LRRC4C: variants seen among roughly 807,000 people sequenced by gnomAD.
The protein encoded by LRRC4C is leucine-rich repeat-containing protein 4C.
In LRRC4C, 5 loss-of-function variants were observed where a neutral mutation model predicts 33.6. That is an observed-to-expected ratio of 0.15 (90% CI 0.08 to 0.31). The LOEUF is 0.31. Ranked by LOEUF, LRRC4C falls within the 10% of genes least tolerant of loss-of-function variation. The probability of loss-of-function intolerance (pLI) is 1.00; values close to 1 mark genes in which losing one functional copy is unlikely to be tolerated. For missense variants in LRRC4C, 560 were observed against 796.7 expected, an observed-to-expected ratio of 0.70 and a Z score of 3.58; for synonymous variants, 329 against 302.0, an observed-to-expected ratio of 1.09 and a Z score of -0.93.
chr11:40,739,627 T>C (rs1221764617), intron 2 of LRRC4C, among the ~76,000 whole-genome samples: 2 of 152,020 alleles, frequency 1.3e-5, no homozygotes, highest in African/African-American at 4.8e-5. Flanking sequence ...GGGAGGTGAT[T>C]GCATCATGGT....
chr11:40,220,410 T>C (rs1864318263), intron 5 of LRRC4C, among the ~76,000 whole-genome samples: 1 of 152,176 alleles, frequency 6.6e-6, no homozygotes, highest in South Asian at 2.1e-4. Context: ...TCTATTTGGT[T>C]TTATAAGCAT....
intron 1 of LRRC4C, among the ~76,000 whole-genome samples, chr11:41,042,263 T>A (rs1350939012): frequency 1.3e-5 from 2 of 152,160 alleles, no homozygotes; most frequent in African/African-American, 4.8e-5. Context: ...TATAAAGACC[T>A]TCCATGAGAC....
At chr11:40,958,471 G>T (rs1200759278) in intron 1 of LRRC4C, among the ~76,000 whole-genome samples, 1 of 151,634 alleles carries the variant, frequency 6.6e-6, no homozygotes, top group East Asian at 1.9e-4. Flanking sequence ...TAAGATAATT[G>T]CCTTATATTT....
intron 1 of LRRC4C, among the ~76,000 whole-genome samples, chr11:41,120,042 A>C (rs949184580): frequency 5.3e-5 from 8 of 152,162 alleles, no homozygotes; most frequent in African/African-American, 1.9e-4. Context: ...ATTTCGTCTC[A>C]GTCCAAATCA....
chr11:40,531,532 C>T (rs10437643), intron 3 of LRRC4C, among the ~76,000 whole-genome samples: 13,339 of 152,024 alleles, frequency 0.088, 1,657 homozygotes, highest in African/African-American at 0.28. Flanking sequence ...TGGTGGAAAA[C>T]AGAAAATCTC....
At chr11:41,320,665 CTT>C (rs1357973125) in intron 1 of LRRC4C, among the ~76,000 whole-genome samples, 5 of 152,268 alleles carry the variant, frequency 3.3e-5, no homozygotes, top group African/African-American at 1.2e-4. Context: ...AGCTTAGTGA[CTT>C]TAAAAAAGGA....
intron 5 of LRRC4C, among the ~76,000 whole-genome samples, chr11:40,147,858 G>A (rs536532449): frequency 5.3e-5 from 8 of 152,122 alleles, no homozygotes; most frequent in Non-Finnish European, 2.9e-5. Flanking sequence ...ATTTAGCCTA[G>A]TATTCATTAG....
At chr11:41,204,980 A>C (rs975972542) in intron 1 of LRRC4C, among the ~76,000 whole-genome samples, 2 of 152,190 alleles carry the variant, frequency 1.3e-5, no homozygotes, top group African/African-American at 2.4e-5. Flanking sequence ...TGAGGAGATG[A>C]TTTTGAATAA....
intron 3 of LRRC4C, among the ~76,000 whole-genome samples, chr11:40,519,390 G>C (rs1184541974): frequency 1.3e-5 from 2 of 152,096 alleles, no homozygotes; most frequent in Non-Finnish European, 2.9e-5. Flanking sequence ...TCATTACAAT[G>C]AAAGTATAAG....
intron 3 of LRRC4C, among the ~76,000 whole-genome samples, chr11:40,365,020 G>A (rs1229863175): frequency 6.7e-6 from 1 of 150,214 alleles, no homozygotes; most frequent in African/African-American, 2.5e-5. Flanking sequence ...ATTCTTAATA[G>A]TATTCATTAC....
At chr11:40,254,118 C>T (rs1323711895) in intron 4 of LRRC4C, among the ~76,000 whole-genome samples, 1 of 152,182 alleles carries the variant, frequency 6.6e-6, no homozygotes, top group Admixed American at 6.5e-5. Flanking sequence ...TTGCAGGTAA[C>T]ACTTGAATCC....
intron 1 of LRRC4C, among the ~76,000 whole-genome samples, chr11:41,064,271 T>A (rs924195569): frequency 2.6e-5 from 4 of 152,238 alleles, no homozygotes; most frequent in African/African-American, 9.6e-5. Flanking sequence ...TCTTATTTAT[T>A]CAAACTCCAT....
intron 1 of LRRC4C, among the ~76,000 whole-genome samples, chr11:41,324,028 C>A (rs879244284): frequency 6.6e-6 from 1 of 152,150 alleles, no homozygotes; most frequent in African/African-American, 2.4e-5. Flanking sequence ...CTGTGGACCA[C>A]CTTTACCAGA....
intron 5 of LRRC4C, among the ~76,000 whole-genome samples, chr11:40,198,088 T>C (rs914919389): frequency 6.6e-6 from 1 of 151,738 alleles, no homozygotes; most frequent in Non-Finnish European, 1.5e-5. Context: ...GGAGATGGGG[T>C]GAGAGCCAGG....
intron 1 of LRRC4C, among the ~76,000 whole-genome samples, chr11:41,156,197 C>A (rs954833149): frequency 2.6e-5 from 4 of 152,002 alleles, no homozygotes; most frequent in South Asian, 2.1e-4. Context: ...GCTGTGATTG[C>A]AGGATAGAAG....
At chr11:40,477,252 G>A (rs1953283894) in intron 3 of LRRC4C, among the ~76,000 whole-genome samples, 1 of 152,086 alleles carries the variant, frequency 6.6e-6, no homozygotes, top group Admixed American at 6.5e-5. Context: ...GAAAGGAAGA[G>A]TGCCACCCAC....
chr11:40,680,528 C>T (rs756358797), intron 2 of LRRC4C, among the ~76,000 whole-genome samples: 3 of 152,166 alleles, frequency 2.0e-5, no homozygotes, highest in Admixed American at 6.5e-5. Flanking sequence ...ATCTTGGAGG[C>T]GGATCTTTCC....
intron 3 of LRRC4C, among the ~76,000 whole-genome samples, chr11:40,353,704 ACT>A (rs1947523952): frequency 6.6e-6 from 1 of 152,090 alleles, no homozygotes; most frequent in African/African-American, 2.4e-5. Flanking sequence ...ATACAGCGAG[ACT>A]CTGTCTCAAG....
chr11:40,242,817 T>C (rs1003100560), intron 4 of LRRC4C, among the ~76,000 whole-genome samples: 4 of 152,042 alleles, frequency 2.6e-5, no homozygotes, highest in Admixed American at 1.3e-4. Flanking sequence ...AGTAGCATCA[T>C]TATTATTGTC....
Sources: allele counts gnomAD v4.1 joint callset (sites outside exome capture counted in the v4.1 genomes callset), GRCh38; gene constraint gnomAD v4.1.1; transcripts MANE v1.5; gene names NCBI Gene and HGNC (gene_info 2026-07-23, HGNC 2026-07-21).